The following TF variants were observed in gnomAD, a reference collection of about 807,000 sequenced individuals.
TF encodes the protein transferrin.
TF carries 55 observed loss-of-function variants against 82.4 expected under a neutral mutation model. That is an observed-to-expected ratio of 0.67 (90% confidence interval 0.54 to 0.84). TF has a LOEUF of 0.84. Among genes scored for constraint, TF ranks in the 40% least tolerant of loss-of-function variants. The pLI is 0.00. For synonymous variants in TF, 332 were observed against 332.6 expected (o/e 1.00, Z 0.02); for missense variants, 737 against 868.4 (o/e 0.85, Z 1.90).
chr3:133,735,460 GA>G, the TF span, among the ~76,000 whole-genome samples: 1 of 151,914 alleles, frequency 6.6e-6, no homozygotes, highest in South Asian at 2.1e-4. Context: ...TGAGTTTGAC[GA>G]ATTGACAGAA....
rs1214093905 is a variant in TF at position 133,763,401 on chromosome 3, A to G, written c.1204-781A>G. ...CCATACTTACGTTTTAAAGAAAAAA[A>G]TGATATTTTAAGACTGATATCTATT... On this transcript the variant is annotated intron_variant, in intron 9 of 16. Transcript: ENST00000402696. Among the ~76,000 whole-genome samples the G allele has an allele frequency of 3.9e-5, 6 of 152,230 alleles. No homozygotes were observed. In the East Asian group the frequency reaches 1.2e-3, roughly 29 times the overall value.
At chr3:133,778,486 T>C in intron 16 of TF, 100 bp from the exon 17 acceptor site, 1 of 1,338,686 alleles carries the variant, frequency 7.5e-7, no homozygotes, top group Non-Finnish European at 1.1e-6. Flanking sequence ...GCAGCAAGTC[T>C]GCACACTTTG....
At position 133,786,277 on chromosome 3, in the gene TF, G is replaced by A. The variant is rs1934683603; in HGVS notation, c.*7657G>A. ...TTTGAACTATCTACCCTTTCTAGAT[G>A]TTCTGAAATGCCTATGTTAAAATTA... On this transcript the variant is annotated 3_prime_UTR_variant, in exon 17 of 17. Coordinates refer to ENST00000402696, the MANE Select transcript of TF (RefSeq NM_001063.4). The A allele has an allele frequency of 1.3e-5, 2 of 149,674 alleles. No homozygotes were observed. The highest frequency in any genetic ancestry group is 3.9e-4 in the East Asian group (2 of 5,176). The allele number at this position is 149,674 out of a possible 1,614,324, so 9.3% of individuals were successfully genotyped here.
the TF span, among the ~76,000 whole-genome samples, chr3:133,689,382 A>C: frequency 6.6e-6 from 1 of 152,132 alleles, no homozygotes; most frequent in African/African-American, 2.4e-5. Flanking sequence ...GTCTGTAACA[A>C]GTGAATAATA....
In TF at chr3:133,791,136, A is replaced by G. The variant is rs992876967; in HGVS notation, c.*12516A>G. 1 of 152,086 alleles carries G rather than the reference A, an allele frequency of 6.6e-6. No homozygotes were observed. Among genetic ancestry groups the G allele is most frequent in the Non-Finnish European group, 1.5e-5 (1 of 68,004 alleles). The allele number at this position is 152,086 out of a possible 1,614,324, so 9.4% of individuals were successfully genotyped here. ...CCCTATGCATTTCTAGCAAGTCATC[A>G]TTTGTTCCATTTATCTGGAATTCCT... On this transcript the variant is annotated 3_prime_UTR_variant, in exon 17 of 17. Transcript: ENST00000402696.
chr3:133,784,847 A>T lies in TF; in HGVS notation c.*6227A>T, dbSNP rs1934616531. On this transcript the variant is annotated 3_prime_UTR_variant, in exon 17 of 17. Transcript: ENST00000402696. ...AGGACAGTTCTGTGCCACACTGGTC[A>T]TATTTAGAAGACATTTTCATATTCC... 1 of 152,340 alleles carries T rather than the reference A, an allele frequency of 6.6e-6. No homozygotes were observed. Among genetic ancestry groups the T allele is most frequent in the Non-Finnish European group, 1.5e-5 (1 of 68,108 alleles). The allele number at this position is 152,340 out of a possible 1,614,324, so 9.4% of individuals were successfully genotyped here. A position where few individuals can be genotyped will look rare whatever the true frequency, so the allele number is the denominator to read the frequency against.
In TF at chr3:133,777,450, T is replaced by C. The variant is rs566518813; in HGVS notation, c.2062+212T>C. 5 of 571,746 alleles carry C rather than the reference T, an allele frequency of 8.7e-6. No individual in the cohort carries two copies. The East Asian group carries it at 8.9e-5, about 10-fold the overall frequency. The allele number at this position is 571,746 out of a possible 1,614,324, so 35.4% of individuals were successfully genotyped here. A position where few individuals can be genotyped will look rare whatever the true frequency, so the allele number is the denominator to read the frequency against. On this transcript the variant is annotated intron_variant, in intron 16 of 16. Coordinates refer to ENST00000402696, the MANE Select transcript of TF (RefSeq NM_001063.4). ...GGGATACAGGCTCAGAGCACTAAGG[T>C]AGTGAACTTATTGGGTATAGAGAAT...
At chr3:133,766,577 G>A (rs1460292393) in intron 12 of TF, 144 bp downstream of exon 12, 3 of 1,146,416 alleles carry the variant, frequency 2.6e-6, no homozygotes, top group South Asian at 2.8e-5. Flanking sequence ...AGAATTTGCT[G>A]TCCTCAAGGA....
intron 12 of TF, 104 bp downstream of exon 12, chr3:133,766,537 T>A: frequency 6.8e-7 from 1 of 1,481,128 alleles, no homozygotes; most frequent in Non-Finnish European, 9.3e-7. Context: ...GCTCTGGTTC[T>A]AGAGAAGTAG....
rs1934826707 is a variant in TF at position 133,791,370 on chromosome 3, A to C, written c.*12750A>C. The C allele has an allele frequency of 6.6e-6, 1 of 152,184 alleles. No homozygotes were observed. The highest frequency in any genetic ancestry group is 6.5e-5 in the Admixed American group (1 of 15,280). 9.4% of individuals were successfully genotyped at this position (152,184 alleles called of 1,614,324 possible). ...AATTCATGGCAATGTGTTTGTTTGCATATAGTCAAGCAGGGTTCCTAGGGC... is the reference window on the plus strand; with the variant it reads ...AATTCATGGCAATGTGTTTGTTTGCCTATAGTCAAGCAGGGTTCCTAGGGC... On this transcript the variant is annotated 3_prime_UTR_variant, in exon 17 of 17. Transcript: ENST00000402696.
chr3:133,668,640 A>C, the TF span, among the ~76,000 whole-genome samples: 1 of 151,964 alleles, frequency 6.6e-6, no homozygotes, highest in African/African-American at 2.4e-5. Context: ...CCATGTAGAA[A>C]CCCTTAGTGT....
chr3:133,758,275 T>C (rs1372593610), intron 8 of TF, among the ~76,000 whole-genome samples: 1 of 152,190 alleles, frequency 6.6e-6, no homozygotes, highest in Non-Finnish European at 1.5e-5. Context: ...AAAATTGCTA[T>C]ATATTGCACA....
chr3:133,775,862 A>C (rs1216067064), intron 15 of TF, among the ~76,000 whole-genome samples: 7 of 152,166 alleles, frequency 4.6e-5, no homozygotes, highest in Admixed American at 3.9e-4. Flanking sequence ...CAGCTTCCTC[A>C]TATATAAAAT....
chr3:133,776,594 G>T (rs1559879720), intron 15 of TF, among the ~76,000 whole-genome samples: 1 of 152,172 alleles, frequency 6.6e-6, no homozygotes, highest in East Asian at 1.9e-4. Context: ...TGAGTGGCTT[G>T]CCCAAGAAAG....
chr3:133,711,554 A>G, the TF span, among the ~76,000 whole-genome samples: 4 of 151,988 alleles, frequency 2.6e-5, no homozygotes, highest in African/African-American at 9.7e-5. Context: ...ATAGCCATCT[A>G]TCTCCAGGGG....
the TF span, among the ~76,000 whole-genome samples, chr3:133,716,295 G>A: frequency 2.8e-4 from 43 of 152,150 alleles, no homozygotes; most frequent in African/African-American, 1.0e-3. Flanking sequence ...ATCTCCACTT[G>A]GATTTCTAAC....
the TF span, among the ~76,000 whole-genome samples, chr3:133,705,064 C>G: frequency 0.024 from 3,716 of 152,230 alleles, 151 homozygotes; most frequent in African/African-American, 0.084. Context: ...CACGTGAGGT[C>G]AGGAGTTCGA....
At chr3:133,672,620 G>A in the TF span, among the ~76,000 whole-genome samples, 1 of 151,912 alleles carries the variant, frequency 6.6e-6, no homozygotes, top group African/African-American at 2.4e-5. Context: ...CCAGCTACTT[G>A]GGAGGCTGAG....
intron 7 of TF, among the ~76,000 whole-genome samples, 153 bp downstream of exon 7, chr3:133,757,162 C>T (rs1933860576): frequency 6.6e-6 from 1 of 152,182 alleles, no homozygotes; most frequent in Non-Finnish European, 1.5e-5. Context: ...AAAGCTGGGA[C>T]TCCCCACAGA....
Sources: allele counts gnomAD v4.1 joint callset (sites outside exome capture counted in the v4.1 genomes callset), GRCh38; gene constraint gnomAD v4.1.1; transcripts MANE v1.5; gene names NCBI Gene and HGNC (gene_info 2026-07-23, HGNC 2026-07-21).